Variants in NRXN3 observed in about 807,000 individuals in gnomAD.
NRXN3 encodes neurexin 3, also known as neurexin III.
Under a neutral mutation model 137.6 loss-of-function variants are expected in NRXN3, and 32 were observed. The observed-to-expected ratio is 0.23, with a 90% CI of 0.18 to 0.31. NRXN3 has a LOEUF of 0.31. Ranked by LOEUF, NRXN3 falls within the 10% of genes least tolerant of loss-of-function variation. The pLI, the probability that NRXN3 is intolerant of heterozygous loss-of-function variation, is 1.00. For synonymous variants in NRXN3, 798 were observed against 784.5 expected (o/e 1.02, Z -0.29); for missense variants, 1,574 against 2,062.5 (o/e 0.76, Z 4.59).
chr14:78,287,365 G>A lies in NRXN3; in HGVS notation c.727+8703G>A, dbSNP rs143888281. ...TTTTCTGGCCCCCTTATCTGCTACC[G>A]TGGGCACTTGAAGGGCAGCAGTGTC... On this transcript the variant is annotated intron_variant, in intron 3 of 20. Coordinates refer to ENST00000335750, the MANE Select transcript of NRXN3 (RefSeq NM_001330195.2). Among the ~76,000 whole-genome samples, 10 of 152,276 alleles carry A rather than the reference G, an allele frequency of 6.6e-5. No individual in the cohort carries two copies. In the East Asian group the frequency reaches 1.5e-3, roughly 24 times the overall value.
In NRXN3 at chr14:79,315,764, C is replaced by G. The variant is rs147939721; in HGVS notation, c.3263-151457C>G. Among the ~76,000 whole-genome samples the G allele has an allele frequency of 5.3e-3, 810 of 152,264 alleles. 6 individuals carry two copies. The highest frequency in any genetic ancestry group is 0.018 in the African/African-American group (768 of 41,552). On this transcript the variant is annotated intron_variant, in intron 15 of 20. Transcript: ENST00000335750. Reference sequence around the variant, plus strand: ...AAGCCTGAGTATATTCTTGGTTGCTCTGTTTCTTGTGTTAGCCTAGCCAGA... The same window carrying G: ...AAGCCTGAGTATATTCTTGGTTGCTGTGTTTCTTGTGTTAGCCTAGCCAGA...
intron 15 of NRXN3, among the ~76,000 whole-genome samples, chr14:79,433,618 A>C (rs566520408): frequency 6.6e-6 from 1 of 152,314 alleles, no homozygotes; most frequent in South Asian, 2.1e-4. Flanking sequence ...TGCTCGTTTC[A>C]TATGTTCACG....
At chr14:79,362,013 T>TTATTATTAC (rs1365804214) in intron 15 of NRXN3, among the ~76,000 whole-genome samples, 7 of 146,906 alleles carry the variant, frequency 4.8e-5, no homozygotes, top group Non-Finnish European at 9.0e-5. Context: ...ATTATTATTA[T>TTATTATTAC]TATTATTATT....
At chr14:79,767,495 T>C (rs924533929) in intron 19 of NRXN3, among the ~76,000 whole-genome samples, 8 of 152,236 alleles carry the variant, frequency 5.3e-5, no homozygotes, top group African/African-American at 4.8e-5. Flanking sequence ...GTGCTATAAA[T>C]TGTCAGTGAC....
At chr14:78,217,406 C>T (rs2063401962) in intron 1 of NRXN3, among the ~76,000 whole-genome samples, 1 of 152,112 alleles carries the variant, frequency 6.6e-6, no homozygotes, top group African/African-American at 2.4e-5. Context: ...GTGCTACTGT[C>T]ATCTAGTGGG....
intron 4 of NRXN3, among the ~76,000 whole-genome samples, chr14:78,434,706 G>A (rs2094003027): frequency 6.6e-6 from 1 of 152,126 alleles, no homozygotes; most frequent in Non-Finnish European, 1.5e-5. Flanking sequence ...AGGGATGTGA[G>A]GACAGCTATG....
chr14:79,197,206 C>T (rs917769451), intron 15 of NRXN3, among the ~76,000 whole-genome samples: 7 of 152,174 alleles, frequency 4.6e-5, no homozygotes, highest in Non-Finnish European at 8.8e-5. Flanking sequence ...GATTGACATC[C>T]TCAAGTCCCA....
intron 4 of NRXN3, among the ~76,000 whole-genome samples, chr14:78,437,865 C>T (rs76935347): frequency 0.025 from 3,752 of 152,132 alleles, 129 homozygotes; most frequent in African/African-American, 0.081. Flanking sequence ...AAAAATTTAA[C>T]GGTAAGAGAA....
intron 15 of NRXN3, among the ~76,000 whole-genome samples, chr14:79,259,709 T>TACACAC (rs71131688): frequency 0.018 from 2,489 of 139,718 alleles, 67 homozygotes; most frequent in African/African-American, 0.058. Context: ...TATAGTTTTA[T>TACACAC]ACACACACAC....
intron 4 of NRXN3, among the ~76,000 whole-genome samples, chr14:78,561,921 C>T (rs1377185959): frequency 6.6e-6 from 1 of 152,160 alleles, no homozygotes; most frequent in Non-Finnish European, 1.5e-5. Flanking sequence ...AATAGGAAAA[C>T]AGTAGTACGT....
At chr14:78,948,628 C>CTTTTTTTTTTTTTTTTTTTTTTTT in intron 10 of NRXN3, among the ~76,000 whole-genome samples, 1 of 108,604 alleles carries the variant, frequency 9.2e-6, no homozygotes, top group Non-Finnish European at 1.9e-5. Context: ...ACACATTTAA[C>CTTTTTTTTTTTTTTTTTTTTTTTT]TTTTTTTTTT....
chr14:79,580,451 T>C (rs949874342), intron 16 of NRXN3, among the ~76,000 whole-genome samples: 3 of 147,444 alleles, frequency 2.0e-5, no homozygotes, highest in South Asian at 2.2e-4. Flanking sequence ...TTTTTTTTTT[T>C]CATAACTCAG....
chr14:79,593,137 GA>G (rs980544868), intron 16 of NRXN3, among the ~76,000 whole-genome samples: 10 of 149,492 alleles, frequency 6.7e-5, no homozygotes, highest in African/African-American at 2.2e-4. Flanking sequence ...GAGAATCATT[GA>G]AAAAAAAACT....
intron 15 of NRXN3, among the ~76,000 whole-genome samples, chr14:79,323,710 G>A (rs1038944530): frequency 1.3e-5 from 2 of 151,946 alleles, no homozygotes; most frequent in South Asian, 2.1e-4. Flanking sequence ...AATACAAAAC[G>A]TAGCCGGGCG....
intron 6 of NRXN3, among the ~76,000 whole-genome samples, chr14:78,673,636 C>T (rs2097961766): frequency 6.6e-6 from 1 of 152,200 alleles, no homozygotes; most frequent in Non-Finnish European, 1.5e-5. Context: ...AGCCGAAGAT[C>T]AAGGCCTGCT....
chr14:78,333,063 T>TGTG (rs983212862), intron 4 of NRXN3, among the ~76,000 whole-genome samples: 1 of 152,194 alleles, frequency 6.6e-6, no homozygotes, highest in African/African-American at 2.4e-5. Context: ...TTCCAAAGAT[T>TGTG]GTGTTTCTTG....
At chr14:78,193,001 G>A (rs894601532) in intron 1 of NRXN3, among the ~76,000 whole-genome samples, 9 of 152,170 alleles carry the variant, frequency 5.9e-5, no homozygotes, top group Admixed American at 4.6e-4. Flanking sequence ...AGTTTAGAAA[G>A]CCTGTTTGGC....
chr14:79,326,655 C>G (rs1206448585), intron 15 of NRXN3, among the ~76,000 whole-genome samples: 1 of 152,174 alleles, frequency 6.6e-6, no homozygotes, highest in Non-Finnish European at 1.5e-5. Context: ...CATCTTTACT[C>G]TAGGTGCCCA....
At chr14:79,739,887 T>G (rs749239450) in intron 19 of NRXN3, among the ~76,000 whole-genome samples, 6 of 152,132 alleles carry the variant, frequency 3.9e-5, no homozygotes, top group African/African-American at 7.2e-5. Flanking sequence ...GTACCTATCC[T>G]CCACTCTGCA....
Sources: allele counts gnomAD v4.1 joint callset (sites outside exome capture counted in the v4.1 genomes callset), GRCh38; gene constraint gnomAD v4.1.1; transcripts MANE v1.5; gene names NCBI Gene and HGNC (gene_info 2026-07-23, HGNC 2026-07-21).